STXBP5L: variants seen among roughly 807,000 people sequenced by gnomAD.
STXBP5L encodes syntaxin-binding protein 5-like.
STXBP5L carries 65 observed loss-of-function variants against 144.5 expected under a neutral mutation model. The observed-to-expected ratio is 0.45, with a 90% CI of 0.37 to 0.55. The LOEUF (loss-of-function observed/expected upper bound fraction) is 0.55, where lower values mean the gene tolerates loss of function less well. Ranked by LOEUF, STXBP5L falls within the 20% of genes least tolerant of loss-of-function variation. STXBP5L has a pLI of 0.00. For synonymous variants in STXBP5L, 505 were observed against 469.6 expected, an observed-to-expected ratio of 1.08 and a Z score of -0.97; for missense variants, 1,298 against 1,405.5, an observed-to-expected ratio of 0.92 and a Z score of 1.22.
intron 3 of STXBP5L, among the ~76,000 whole-genome samples, chr3:120,977,512 T>G (rs937647354): frequency 3.3e-5 from 5 of 152,218 alleles, no homozygotes; most frequent in African/African-American, 1.2e-4. Flanking sequence ...TGGCAGTCTG[T>G]GTCTTTTAAT....
chr3:121,352,894 G>A (rs993638731), intron 20 of STXBP5L, among the ~76,000 whole-genome samples: 4 of 152,092 alleles, frequency 2.6e-5, no homozygotes, highest in African/African-American at 9.7e-5. Context: ...AGCATGAAGG[G>A]CTGTTGAGTT....
intron 5 of STXBP5L, among the ~76,000 whole-genome samples, chr3:121,051,065 G>T (rs1260498267): frequency 1.3e-5 from 2 of 152,108 alleles, no homozygotes; most frequent in African/African-American, 2.4e-5. Context: ...CCCAATACAG[G>T]AGCACCCAGA....
intron 20 of STXBP5L, among the ~76,000 whole-genome samples, chr3:121,371,577 C>T (rs969487499): frequency 2.6e-5 from 4 of 152,212 alleles, no homozygotes; most frequent in Non-Finnish European, 5.9e-5. Flanking sequence ...GAGTGCCAGC[C>T]TTTGAGCAGG....
At chr3:120,959,255 TACAA>T (rs1208159345) in intron 3 of STXBP5L, among the ~76,000 whole-genome samples, 1 of 152,090 alleles carries the variant, frequency 6.6e-6, no homozygotes, top group Non-Finnish European at 1.5e-5. Context: ...TTAAAGAGGA[TACAA>T]ACAAATGGAA....
chr3:121,075,641 C>A (rs370817596), intron 5 of STXBP5L, among the ~76,000 whole-genome samples: 1 of 152,206 alleles, frequency 6.6e-6, no homozygotes, highest in Non-Finnish European at 1.5e-5. Context: ...GTAAGACTTG[C>A]AGAGTCTCTC....
chr3:120,967,057 G>T (rs1330592529), intron 3 of STXBP5L, among the ~76,000 whole-genome samples: 3 of 152,102 alleles, frequency 2.0e-5, no homozygotes, highest in African/African-American at 4.8e-5. Context: ...ACCTCAGACT[G>T]CTGTGCTAGC....
At chr3:121,322,008 T>C (rs2043986633) in intron 20 of STXBP5L, among the ~76,000 whole-genome samples, 6 of 152,140 alleles carry the variant, frequency 3.9e-5, no homozygotes, top group Admixed American at 3.3e-4. Flanking sequence ...TTGTCCCCCT[T>C]CCTTCCTTTC....
chr3:121,377,850 A>C (rs1415273222), intron 20 of STXBP5L, among the ~76,000 whole-genome samples: 2 of 152,204 alleles, frequency 1.3e-5, no homozygotes, highest in Admixed American at 6.5e-5. Context: ...AAATCTTTCT[A>C]CTATAAAGAC....
At chr3:121,255,561 A>T (rs933848957) in intron 16 of STXBP5L, among the ~76,000 whole-genome samples, 1 of 151,972 alleles carries the variant, frequency 6.6e-6, no homozygotes, top group Non-Finnish European at 1.5e-5. Flanking sequence ...ATAGTTATTG[A>T]TTTATTTTTG....
chr3:121,215,751 C>G (rs1162488229), intron 10 of STXBP5L, among the ~76,000 whole-genome samples: 3 of 152,124 alleles, frequency 2.0e-5, no homozygotes, highest in Non-Finnish European at 4.4e-5. Flanking sequence ...GTTGGCTTGT[C>G]TTGCTAGGTT....
At chr3:120,971,540 A>G (rs1245581658) in intron 3 of STXBP5L, among the ~76,000 whole-genome samples, 2 of 151,844 alleles carry the variant, frequency 1.3e-5, no homozygotes, top group African/African-American at 4.8e-5. Flanking sequence ...GTCATTTCAC[A>G]TCTTAGGATA....
At chr3:120,977,280 A>G (rs1181523222) in intron 3 of STXBP5L, among the ~76,000 whole-genome samples, 1 of 152,114 alleles carries the variant, frequency 6.6e-6, no homozygotes, top group African/African-American at 2.4e-5. Context: ...TGTTGAATTG[A>G]TCCCTTTACC....
In STXBP5L at chr3:121,170,454, TAAAG is replaced by T. The variant is rs532663645; in HGVS notation, c.877+12830_877+12833del. On this transcript the variant is annotated intron_variant, in intron 9 of 26. Coordinates refer to ENST00000471454, the MANE Select transcript of STXBP5L (RefSeq NM_001308330.2). ...CAAAATAGACCGCTAGTCAGACTAA[TAAAG>T]AAGAATAGAGACAAGAATCAAATAG... is the stretch of plus-strand genomic sequence containing the variant. Among the ~76,000 whole-genome samples the T allele has an allele frequency of 1.3e-4, 20 of 151,866 alleles. No individual in the cohort carries two copies. In the South Asian group the frequency reaches 2.7e-3, roughly 21 times the overall value.
At chr3:120,915,458 A>G (rs1709058306) in intron 2 of STXBP5L, among the ~76,000 whole-genome samples, 2 of 152,138 alleles carry the variant, frequency 1.3e-5, no homozygotes, top group South Asian at 4.1e-4. Flanking sequence ...ATCAAGTAGA[A>G]GCCCTGCTTT....
chr3:120,977,775 G>C (rs1168523733), intron 3 of STXBP5L, among the ~76,000 whole-genome samples: 2 of 152,094 alleles, frequency 1.3e-5, no homozygotes, highest in African/African-American at 4.8e-5. Context: ...GCTTGTCTGT[G>C]AAGTATTTTA....
In STXBP5L at chr3:121,205,928, A is replaced by T. The variant is rs200925621; in HGVS notation, c.883A>T (p.Ser295Cys). Residue 295 changes from serine (S) to cysteine (C), a missense_variant, in exon 10 of 27, where the codon AGT becomes TGT. Ser to Cys is a moderately radical substitution (Grantham distance 112). Coordinates refer to ENST00000471454, the MANE Select transcript of STXBP5L (RefSeq NM_001308330.2). ...PFQTTIPHGK[S>C]QREGRKSESC... ...TAAATATTTTTTTTCTTTAGGAAAA[A>T]GTCAAAGAGAAGGAAGAAAATCTGA... is the stretch of plus-strand genomic sequence containing the variant. 1.3e-5 allele frequency: 20 copies of T among 1,488,226 alleles called. No homozygotes were observed. Among genetic ancestry groups the T allele is most frequent in the Non-Finnish European group, 1.6e-5 (18 of 1,114,068 alleles). 92.2% of individuals were successfully genotyped at this position (1,488,226 alleles called of 1,614,324 possible).
intron 22 of STXBP5L, among the ~76,000 whole-genome samples, chr3:121,387,438 G>A (rs1311185238): frequency 6.6e-6 from 1 of 152,144 alleles, no homozygotes; most frequent in African/African-American, 2.4e-5. Context: ...TTTGGCTTTT[G>A]TTGCCATTGC....
intron 10 of STXBP5L, among the ~76,000 whole-genome samples, chr3:121,209,675 A>G (rs971900233): frequency 1.3e-5 from 2 of 152,000 alleles, no homozygotes; most frequent in Non-Finnish European, 2.9e-5. Flanking sequence ...GAATGAGAAC[A>G]TGCAGTGTTT....
chr3:121,279,723 C>T, intron 18 of STXBP5L, 82 bp from the exon 19 acceptor site: 2 of 1,539,454 alleles, frequency 1.3e-6, no homozygotes, highest in Non-Finnish European at 1.8e-6. Context: ...CATTACTTTT[C>T]AATAATCCTA....
Sources: gnomAD v4.1 joint callset for allele counts (sites outside exome capture counted in the v4.1 genomes callset) on GRCh38, gnomAD v4.1.1 for gene constraint, MANE v1.5 for transcripts, NCBI Gene and HGNC (gene_info 2026-07-23, HGNC 2026-07-21) for gene names.